CTR9: variants seen among roughly 807,000 people sequenced by gnomAD.
The protein encoded by CTR9 is CTR9 component of Paf1/RNA polymerase II complex.
In CTR9, 41 loss-of-function variants were observed where a neutral mutation model predicts 152.1. That is an observed-to-expected ratio of 0.27 (90% CI 0.21 to 0.35). CTR9 has a LOEUF of 0.35. Among genes scored for constraint, CTR9 ranks in the 10% least tolerant of loss-of-function variants. The probability of loss-of-function intolerance (pLI) is 1.00; values close to 1 mark genes in which losing one functional copy is unlikely to be tolerated. For missense variants in CTR9, 917 were observed against 1,424.4 expected (o/e 0.64, Z 5.73); for synonymous variants, 476 against 496.2 (o/e 0.96, Z 0.54).
chr11:10,764,507 TA>T (rs1337982364), intron 11 of CTR9, 40 bp from the exon 12 acceptor site: 21 of 1,604,792 alleles, frequency 1.3e-5, no homozygotes, highest in Non-Finnish European at 1.4e-5. Flanking sequence ...AAAAAGTGTA[TA>T]AACTAAATCT....
intron 24 of CTR9, among the ~76,000 whole-genome samples, chr11:10,777,505 G>C (rs1466838635): frequency 6.6e-6 from 1 of 152,190 alleles, no homozygotes; most frequent in Non-Finnish European, 1.5e-5. Context: ...TGTCCCCATA[G>C]TGTTACCCAG....
At position 10,751,308 on chromosome 11, in the gene CTR9, C is replaced by G. The variant is rs1427592823; in HGVS notation, c.-105C>G. 9 of 1,261,944 alleles carry G rather than the reference C, an allele frequency of 7.1e-6. No homozygotes were observed. Among genetic ancestry groups the G allele is most frequent in the Non-Finnish European group, 1.0e-5 (9 of 872,672 alleles). 78.2% of individuals were successfully genotyped at this position (1,261,944 alleles called of 1,614,324 possible). ...TCCAGCGGCGCCGCGGGGCGGCAGTCAAGACCAGAGCCGGAGCCGTCACTC... is the reference window on the plus strand; with the variant it reads ...TCCAGCGGCGCCGCGGGGCGGCAGTGAAGACCAGAGCCGGAGCCGTCACTC... On this transcript the variant is annotated 5_prime_UTR_variant, in exon 1 of 25. Coordinates refer to ENST00000361367, the MANE Select transcript of CTR9 (RefSeq NM_014633.5).
rs76140650 is a variant in CTR9 at position 10,769,859 on chromosome 11, C to T, written c.2110-351C>T. ...GTAGATGGTAAAACGCAAAGGACAA[C>T]GGTGTATGACTTCTCATCAGTGGTC... On this transcript the variant is annotated intron_variant, in intron 16 of 24. Transcript: ENST00000361367. 3.2e-3 allele frequency among the ~76,000 whole-genome samples: 491 copies of T among 151,882 alleles called. 7 individuals are homozygous for T. In the East Asian group the frequency reaches 0.049, roughly 15 times the overall value.
At chr11:10,773,940 T>C (rs1863187233) in intron 21 of CTR9, 72 bp from the exon 22 acceptor site, 1 of 1,081,502 alleles carries the variant, frequency 9.2e-7, no homozygotes, top group Non-Finnish European at 1.3e-6. Context: ...ATGGCCCCTT[T>C]CTGTACCTTA....
At chr11:10,763,283 GT>G in intron 7 of CTR9, 147 bp from the exon 8 acceptor site, 1 of 649,724 alleles carries the variant, frequency 1.5e-6, no homozygotes, top group East Asian at 2.8e-5. Flanking sequence ...TATTGATTAG[GT>G]TATAACTGTT....
At chr11:10,758,697 A>G (rs1262922664) in intron 5 of CTR9, among the ~76,000 whole-genome samples, 1 of 152,206 alleles carries the variant, frequency 6.6e-6, no homozygotes, top group African/African-American at 2.4e-5. Context: ...CGTGGCATGC[A>G]GTTGCAATTT....
chr11:10,774,060 G>A lies in CTR9; in HGVS notation c.2776G>A (p.Asp926Asn). ...TGATGAATTTGTCAATGATGACACT[G>A]ATGATGACCTACCTATATCCAAAAA... ...EFDEFVNDDT[D>N]DDLPISKKKK... The change falls in exon 22 of 25, where the codon GAT becomes AAT. Residue 926 changes from aspartate (D) to asparagine (N), a missense_variant. Physicochemically the swap from Asp to Asn is conservative, Grantham distance 23 (BLOSUM62 1). This residue lies in a region of CTR9 where 384 missense variants were observed against 398.4 expected (regional missense o/e 0.96). Coordinates refer to ENST00000361367, the MANE Select transcript of CTR9 (RefSeq NM_014633.5). The A allele has an allele frequency of 1.2e-6, 2 of 1,613,416 alleles. No individual in the cohort carries two copies. Among genetic ancestry groups the A allele is most frequent in the Non-Finnish European group, 1.7e-6 (2 of 1,179,510 alleles).
chr11:10,770,025 T>G lies in CTR9; in HGVS notation c.2110-185T>G, dbSNP rs1863118626. The stretch of plus-strand genomic sequence containing the variant: ...TAGTTTTTCTAATGGTCAGATTTTT[T>G]ATGTTGTGAAAATGTATCCTGATGA... On this transcript the variant is annotated intron_variant, in intron 16 of 24. Coordinates refer to ENST00000361367, the MANE Select transcript of CTR9 (RefSeq NM_014633.5). Among the ~76,000 whole-genome samples the G allele has an allele frequency of 3.3e-5, 5 of 152,358 alleles. 1 individual carries two copies. In the South Asian group the frequency reaches 1.0e-3, roughly 32 times the overall value.
chr11:10,778,098 C>A (rs1437444517), intron 24 of CTR9, among the ~76,000 whole-genome samples: 1 of 152,160 alleles, frequency 6.6e-6, no homozygotes, highest in African/African-American at 2.4e-5. Flanking sequence ...CCCTTTAGCC[C>A]CAGTTCCCTA....
intron 2 of CTR9, among the ~76,000 whole-genome samples, chr11:10,753,236 G>A (rs972755403): frequency 2.0e-5 from 3 of 152,098 alleles, no homozygotes; most frequent in African/African-American, 7.2e-5. Flanking sequence ...TCAGACTTAT[G>A]TTTTTTGTCC....
At chr11:10,762,801 C>G (rs114138529) in intron 7 of CTR9, among the ~76,000 whole-genome samples, 1 of 151,962 alleles carries the variant, frequency 6.6e-6, no homozygotes, top group Admixed American at 6.6e-5. Flanking sequence ...CCCAGGAGTT[C>G]AGGACCAACA....
At chr11:10,754,883 G>A in intron 2 of CTR9, 75 bp from the exon 3 acceptor site, 2 of 1,443,538 alleles carry the variant, frequency 1.4e-6, no homozygotes, top group Non-Finnish European at 1.9e-6. Flanking sequence ...AAATAAAGCT[G>A]CTGTAAACAT....
intron 23 of CTR9, 85 bp from the exon 24 acceptor site, chr11:10,775,436 T>C: frequency 2.2e-6 from 3 of 1,366,912 alleles, no homozygotes; most frequent in Non-Finnish European, 3.1e-6. Flanking sequence ...GGCTGTTTGA[T>C]TGTATCATTG....
At chr11:10,754,060 A>G (rs1255959561) in intron 2 of CTR9, among the ~76,000 whole-genome samples, 2 of 152,204 alleles carry the variant, frequency 1.3e-5, no homozygotes, top group Non-Finnish European at 1.5e-5. Context: ...CCACATAGAG[A>G]CAGAGTCTCT....
intron 13 of CTR9, 102 bp downstream of exon 13, chr11:10,766,592 C>T (rs1487651259): frequency 1.2e-6 from 1 of 809,702 alleles, no homozygotes; most frequent in East Asian, 2.9e-5. Context: ...CTGGTTTTGT[C>T]ATTTTTTGTT....
In CTR9 at chr11:10,764,751, T is replaced by G. The variant is rs1198207370; in HGVS notation, c.1597+20T>G. The G allele has an allele frequency of 3.2e-6, 5 of 1,565,028 alleles. No individual in the cohort carries two copies. The East Asian group carries it at 6.8e-5, about 21-fold the overall frequency. On this transcript the variant is annotated intron_variant, in intron 12 of 24. Coordinates refer to ENST00000361367, the MANE Select transcript of CTR9 (RefSeq NM_014633.5). ...TTGACTGTAAGGATTTTAAACTTCT[T>G]TATGTAATGAAATCCGTTCATTCCC...
rs761440408 is a variant in CTR9 at position 10,775,500 on chromosome 11, A to G, written c.2983-21A>G. The stretch of plus-strand genomic sequence containing the variant: ...CTAATGTAAGAGTCTTGACTAATCT[A>G]TTATGTTTGACATTCTTTAGCCCAA... On this transcript the variant is annotated intron_variant, in intron 23 of 24. Transcript: ENST00000361367. The G allele has an allele frequency of 5.0e-6, 8 of 1,589,354 alleles. No individual in the cohort carries two copies. In the South Asian group the frequency reaches 6.7e-5, roughly 13 times the overall value.
In CTR9 at chr11:10,770,525, T is replaced by C. The variant is rs1863127551; in HGVS notation, c.2265T>C (p.Phe755=). 6.2e-7 allele frequency: 1 copy of C among 1,613,906 alleles called. No homozygotes were observed. The highest frequency in any genetic ancestry group is 1.3e-5 in the African/African-American group (1 of 74,944). Residue 755 remains phenylalanine (F), a synonymous_variant, in exon 18 of 25, where the codon TTT becomes TTC. Transcript: ENST00000361367. ...CACCCAGTGATACAGTTCTTATGTT[T>C]AATGTGGCCTTGGTCCTGCAAAGAT... is the stretch of plus-strand genomic sequence containing the variant. ...HVAPSDTVLM[F]NVALVLQRLA... is the part of the protein sequence containing the mutation.
At chr11:10,778,616 C>A (rs1863278466) in intron 24 of CTR9, 63 bp from the exon 25 acceptor site, 3 of 1,477,658 alleles carry the variant, frequency 2.0e-6, no homozygotes, top group Admixed American at 2.0e-5. Flanking sequence ...AGCACATTGT[C>A]TGCTCATCAA....
Sources: gnomAD v4.1 joint callset for allele counts (sites outside exome capture counted in the v4.1 genomes callset) on GRCh38, gnomAD v4.1.1 for gene constraint, gnomAD v4.1.1 regional missense constraint, MANE v1.5 for transcripts, NCBI Gene and HGNC (gene_info 2026-07-23, HGNC 2026-07-21) for gene names.